Variants in FARP1 observed in about 807,000 individuals in gnomAD.
The protein encoded by FARP1 is FERM, ARH/RhoGEF and pleckstrin domain protein 1.
Under a neutral mutation model 128.8 loss-of-function variants are expected in FARP1, and 52 were observed. The ratio of observed to expected loss-of-function variants is 0.40; its 90% CI spans 0.32 to 0.51. The LOEUF is 0.51. Among genes scored for constraint, FARP1 ranks in the 20% least tolerant of loss-of-function variants. FARP1 has a pLI of 0.45. For missense variants in FARP1, 1,333 were observed against 1,367.9 expected (o/e 0.97, Z 0.40); for synonymous variants, 580 against 551.8 (o/e 1.05, Z -0.72).
intron 1 of FARP1, among the ~76,000 whole-genome samples, chr13:98,177,661 A>C (rs1025741395): frequency 3.8e-5 from 4 of 103,910 alleles, no homozygotes; most frequent in South Asian, 3.4e-4. Flanking sequence ...TAAAAAAAAA[A>C]AAACCAAAAA....
At chr13:98,281,985 G>C (rs1338695530) in intron 2 of FARP1, among the ~76,000 whole-genome samples, 1 of 152,152 alleles carries the variant, frequency 6.6e-6, no homozygotes, top group East Asian at 1.9e-4. Context: ...CATCAGCCGA[G>C]TACTTTACTC....
At chr13:98,244,795 A>G in intron 2 of FARP1, 4 of 1,558,602 alleles carry the variant, frequency 2.6e-6, no homozygotes, top group African/African-American at 2.7e-5. Context: ...TGACATTAAC[A>G]CATTTCAGTG....
intron 2 of FARP1, among the ~76,000 whole-genome samples, chr13:98,284,330 T>C (rs1408172146): frequency 4.6e-5 from 7 of 152,206 alleles, no homozygotes; most frequent in Non-Finnish European, 7.3e-5. Flanking sequence ...ACCTTCCTTC[T>C]ATGTATAAAT....
chr13:98,426,006 A>AG (rs1891772745), intron 17 of FARP1, among the ~76,000 whole-genome samples: 1 of 152,196 alleles, frequency 6.6e-6, no homozygotes. Context: ...CAGAGAAGCT[A>AG]GCAACCCCTT....
chr13:98,322,501 C>T (rs1260493762), intron 2 of FARP1, among the ~76,000 whole-genome samples: 1 of 152,168 alleles, frequency 6.6e-6, no homozygotes, highest in Non-Finnish European at 1.5e-5. Flanking sequence ...GTTCATCTTG[C>T]TTGCAAGAGC....
At chr13:98,307,080 A>C (rs1886198966) in intron 2 of FARP1, among the ~76,000 whole-genome samples, 1 of 152,212 alleles carries the variant, frequency 6.6e-6, no homozygotes, top group Non-Finnish European at 1.5e-5. Context: ...TACAAATGAC[A>C]GGACAGAGAT....
Position 98,439,158 on chromosome 13 carries a change from T to A in FARP1, c.2395T>A (p.Phe799Ile). The A allele has an allele frequency of 3.1e-6, 5 of 1,613,838 alleles. No homozygotes were observed. The highest frequency in any genetic ancestry group is 4.2e-6 in the Non-Finnish European group (5 of 1,179,892). ...CCGGGGGCTGACGGCCTCCAATCAG[T>A]TTAAAGTCCACGGGCAGCTCCCGCT... is the stretch of plus-strand genomic sequence containing the variant. ...TSRGLTASNQ[F>I]KVHGQLPLYG... The change falls in exon 21 of 27, where the codon TTT (phenylalanine) becomes ATT (isoleucine). Residue 799 changes from phenylalanine to isoleucine, a missense_variant. Around this residue, in one of 2 missense-constraint regions of FARP1, gnomAD observed 1,009 missense variants for 969.8 expected, o/e 1.04. Coordinates refer to ENST00000319562, the MANE Select transcript of FARP1 (RefSeq NM_005766.4).
At chr13:98,195,889 G>T (rs1879544724) in intron 1 of FARP1, among the ~76,000 whole-genome samples, 1 of 152,068 alleles carries the variant, frequency 6.6e-6, no homozygotes, top group Admixed American at 6.6e-5. Context: ...CGCTGGGCGT[G>T]GTGGTACATG....
At chr13:98,295,078 CACACACACACACACACACACACACACAT>C (rs1279298221) in intron 2 of FARP1, among the ~76,000 whole-genome samples, 77 of 94,632 alleles carry the variant, frequency 8.1e-4, no homozygotes, top group South Asian at 2.8e-3. Flanking sequence ...CACACACACA[CACACACACACACACACACACACACACAT>C]ATATCCCCAG....
intron 1 of FARP1, among the ~76,000 whole-genome samples, chr13:98,199,075 T>C (rs993433516): frequency 2.0e-5 from 3 of 149,758 alleles, no homozygotes; most frequent in African/African-American, 7.4e-5. Flanking sequence ...TTAATTTTCT[T>C]TTCTCTATTT....
intron 14 of FARP1, among the ~76,000 whole-genome samples, chr13:98,410,352 A>AC (rs1224094146): frequency 6.6e-6 from 1 of 152,230 alleles, no homozygotes; most frequent in African/African-American, 2.4e-5. Flanking sequence ...TGTCATGAAC[A>AC]CCAACTCCAC....
At chr13:98,383,389 G>C (rs1192802348) in intron 6 of FARP1, among the ~76,000 whole-genome samples, 4 of 152,234 alleles carry the variant, frequency 2.6e-5, no homozygotes. Flanking sequence ...CGGATGATGA[G>C]GAAGCGAGGG....
intron 2 of FARP1, among the ~76,000 whole-genome samples, chr13:98,294,474 C>T (rs1321118112): frequency 6.6e-6 from 1 of 152,194 alleles, no homozygotes; most frequent in African/African-American, 2.4e-5. Flanking sequence ...AGTTCTCCCA[C>T]ATGTCATATT....
intron 2 of FARP1, among the ~76,000 whole-genome samples, chr13:98,282,357 A>T (rs980811366): frequency 6.6e-6 from 1 of 152,188 alleles, no homozygotes; most frequent in African/African-American, 2.4e-5. Flanking sequence ...AGGCTTAGTT[A>T]TTGTTCCTAG....
chr13:98,431,482 G>A, intron 18 of FARP1: 1 of 458,032 alleles, frequency 2.2e-6, no homozygotes, highest in South Asian at 2.6e-5. Context: ...TTTTTTTTGA[G>A]ACTGAGTCTC....
At chr13:98,395,927 G>A (rs1411288378) in intron 13 of FARP1, 1 of 399,278 alleles carries the variant, frequency 2.5e-6, no homozygotes, top group African/African-American at 2.1e-5. Flanking sequence ...GGGTCTCAAG[G>A]CTATGTTTCG....
At chr13:98,347,316 A>G (rs570913369) in intron 3 of FARP1, among the ~76,000 whole-genome samples, 32 of 152,372 alleles carry the variant, frequency 2.1e-4, no homozygotes, top group Non-Finnish European at 3.7e-4. Context: ...TGTGTAGTTC[A>G]GAAGTGTTAA....
chr13:98,274,519 A>C (rs1375276652), intron 2 of FARP1, among the ~76,000 whole-genome samples: 12 of 152,108 alleles, frequency 7.9e-5, no homozygotes, highest in Non-Finnish European at 2.9e-5. Context: ...TTTTTTTAAC[A>C]CAGCAAAAAT....
chr13:98,441,436 G>A (rs72652239), intron 24 of FARP1, among the ~76,000 whole-genome samples: 3,714 of 152,356 alleles, frequency 0.024, 76 homozygotes, highest in Non-Finnish European at 0.038. Context: ...TTTATGCTTC[G>A]CTTCCGTGAA....
Sources: gnomAD v4.1 joint callset for allele counts (sites outside exome capture counted in the v4.1 genomes callset) on GRCh38, gnomAD v4.1.1 for gene constraint, gnomAD v4.1.1 regional missense constraint, MANE v1.5 for transcripts, NCBI Gene and HGNC (gene_info 2026-07-23, HGNC 2026-07-21) for gene names.